CACNA1S: variants seen among roughly 807,000 people sequenced by gnomAD.
The protein encoded by CACNA1S is voltage-dependent L-type calcium channel subunit alpha-1S.
Under a neutral mutation model 207.4 loss-of-function variants are expected in CACNA1S, and 126 were observed. That is an observed-to-expected ratio of 0.61 (90% CI 0.53 to 0.70). CACNA1S has a LOEUF of 0.70. Among genes scored for constraint, CACNA1S ranks in the 30% least tolerant of loss-of-function variants. The probability of loss-of-function intolerance (pLI) is 0.00; values close to 1 mark genes in which losing one functional copy is unlikely to be tolerated. For missense variants in CACNA1S, 2,349 were observed against 2,422.8 expected (o/e 0.97, Z 0.64); for synonymous variants, 960 against 932.7 (o/e 1.03, Z -0.53).
chr1:201,098,967 A>C (rs1340554242), intron 2 of CACNA1S, among the ~76,000 whole-genome samples: 1 of 152,106 alleles, frequency 6.6e-6, no homozygotes, highest in Admixed American at 6.5e-5. Flanking sequence ...CAGGCCTTGC[A>C]CCTGCTCCCA....
At chr1:201,054,230 C>T (rs1360331325) in intron 29 of CACNA1S, among the ~76,000 whole-genome samples, 3 of 152,226 alleles carry the variant, frequency 2.0e-5, no homozygotes, top group African/African-American at 7.2e-5. Flanking sequence ...TCACAGTTCT[C>T]TCTGGACTGT....
At chr1:201,043,194 G>A (rs1417618682) in intron 40 of CACNA1S, 87 bp downstream of exon 40, 2 of 1,566,216 alleles carry the variant, frequency 1.3e-6, no homozygotes, top group East Asian at 2.2e-5. Context: ...TACAAATTTG[G>A]GGTACCCTCT....
intron 5 of CACNA1S, among the ~76,000 whole-genome samples, chr1:201,091,216 G>GT (rs1662216185): frequency 6.6e-6 from 1 of 152,148 alleles, no homozygotes; most frequent in Admixed American, 6.5e-5. Flanking sequence ...TGGCTCTTGG[G>GT]TGTTTTTTCT....
intron 22 of CACNA1S, among the ~76,000 whole-genome samples, chr1:201,063,726 C>G (rs1358258550): frequency 4.6e-5 from 7 of 152,176 alleles, no homozygotes; most frequent in Admixed American, 4.6e-4. Context: ...CCCTTGCCCC[C>G]CGCTGCCCCT....
chr1:201,073,312 G>C (rs1202521541), intron 15 of CACNA1S, among the ~76,000 whole-genome samples: 1 of 149,774 alleles, frequency 6.7e-6, no homozygotes, highest in Non-Finnish European at 1.5e-5. Context: ...GTGGGAAGCT[G>C]CTACGCTGGA....
chr1:201,068,662 G>A (rs1027787994), intron 19 of CACNA1S, among the ~76,000 whole-genome samples: 6 of 151,968 alleles, frequency 3.9e-5, no homozygotes, highest in African/African-American at 1.4e-4. Flanking sequence ...CACAAGGTCA[G>A]CATATCAAGA....
At position 201,110,185 on chromosome 1, in the gene CACNA1S, G is replaced by T; in HGVS notation, c.237C>A (p.Asn79Lys). The change falls in exon 2 of 44, where the codon AAC (asparagine) becomes AAA (lysine). Residue 79 changes from asparagine to lysine, a missense_variant. By Grantham distance (94) the Asn-to-Lys change is moderately conservative. Transcript: ENST00000362061. ...TTACCAGGCCGAGGTTCAGAGAGTTGTTGTCATCTTCCGGCATGGGCAGGT... is the reference window on the plus strand; with the variant it reads ...TTACCAGGCCGAGGTTCAGAGAGTTTTTGTCATCTTCCGGCATGGGCAGGT... ...AVYLPMPEDDNNSLNLGLEKL... is the reference protein window; with the variant it reads ...AVYLPMPEDDKNSLNLGLEKL... 2 of 1,614,172 alleles carry T rather than the reference G, an allele frequency of 1.2e-6. No individual in the cohort carries two copies. The highest frequency in any genetic ancestry group is 8.5e-7 in the Non-Finnish European group (1 of 1,179,990).
At chr1:201,097,243 C>G (rs530221264) in intron 2 of CACNA1S, among the ~76,000 whole-genome samples, 14 of 152,294 alleles carry the variant, frequency 9.2e-5, no homozygotes, top group Middle Eastern at 3.4e-3. Flanking sequence ...TCCATACAGA[C>G]CCGGCTACTG....
chr1:201,077,817 G>T, intron 11 of CACNA1S, 62 bp downstream of exon 11: 1 of 1,169,968 alleles, frequency 8.5e-7, no homozygotes, highest in South Asian at 1.3e-5. Context: ...GATGGGTGTA[G>T]ACCAGACCAG....
At chr1:201,051,471 T>C (rs1005323767) in intron 32 of CACNA1S, among the ~76,000 whole-genome samples, 4 of 152,154 alleles carry the variant, frequency 2.6e-5, no homozygotes, top group Non-Finnish European at 1.5e-5. Context: ...TCAAAGAGAT[T>C]AACTGACTCC....
chr1:201,099,617 C>T (rs181626574), intron 2 of CACNA1S, among the ~76,000 whole-genome samples: 109 of 152,308 alleles, frequency 7.2e-4, no homozygotes, highest in African/African-American at 2.2e-3. Flanking sequence ...GAGGAGGAAG[C>T]CCAGGGTGCT....
intron 19 of CACNA1S, 100 bp downstream of exon 19, chr1:201,069,037 C>T (rs574395115): frequency 6.8e-5 from 72 of 1,064,742 alleles, no homozygotes; most frequent in South Asian, 5.8e-4. Flanking sequence ...CAGTCTCCAC[C>T]TCTTTTCTGC....
intron 22 of CACNA1S, among the ~76,000 whole-genome samples, chr1:201,063,102 T>C (rs1029229960): frequency 4.0e-5 from 6 of 150,764 alleles, no homozygotes; most frequent in Non-Finnish European, 8.8e-5. Context: ...TGTGCTCCTC[T>C]GCACTGACTT....
At chr1:201,090,500 C>G (rs895670849) in intron 5 of CACNA1S, among the ~76,000 whole-genome samples, 2 of 152,098 alleles carry the variant, frequency 1.3e-5, no homozygotes, top group Non-Finnish European at 2.9e-5. Context: ...TTGTTGTCAG[C>G]GGTCATGAGG....
chr1:201,040,918 TG>T (rs2102539464), intron 41 of CACNA1S, among the ~76,000 whole-genome samples: 1 of 152,304 alleles, frequency 6.6e-6, no homozygotes, highest in Admixed American at 6.5e-5. Context: ...TTACTGGCCC[TG>T]GTCGCTGTTC....
At chr1:201,040,458 A>G in intron 42 of CACNA1S, 84 bp from the exon 43 acceptor site, 1 of 1,554,134 alleles carries the variant, frequency 6.4e-7, no homozygotes, top group South Asian at 1.1e-5. Context: ...TCTGAGGGCA[A>G]CTCAACCAAG....
At position 201,077,915 on chromosome 1, in the gene CACNA1S, C is replaced by A. The variant is rs80338777; in HGVS notation, c.1583G>T (p.Arg528Leu). ...GAAGATCCTCAGGAGGCGGATGCAGCGGAGCACGGAGATGCCCAGGGGTGT... is the reference window on the plus strand; with the variant it reads ...GAAGATCCTCAGGAGGCGGATGCAGAGGAGCACGGAGATGCCCAGGGGTGT... ...AMTPLGISVLRCIRLLRIFKI... is the reference protein window; with the variant it reads ...AMTPLGISVLLCIRLLRIFKI... Residue 528 changes from arginine to leucine, a missense_variant, in exon 11 of 44, where the codon CGC becomes CTC. By Grantham distance (102) the Arg-to-Leu change is moderately radical. Transcript: ENST00000362061. 1.8e-5 allele frequency: 29 copies of A among 1,614,016 alleles called. No homozygotes were observed. Among genetic ancestry groups the A allele is most frequent in the Middle Eastern group, 1.7e-4 (1 of 6,060 alleles).
rs1300382655 is a variant in CACNA1S at position 201,041,916 on chromosome 1, C to T, written c.5049-327G>A. ...TCTCCATCTTGGCCACACATAGGAT[C>T]ACCTGAGGAGCTCAAAGGTGAGTGG... On this transcript the variant is annotated intron_variant, in intron 40 of 43. Coordinates refer to ENST00000362061, the MANE Select transcript of CACNA1S (RefSeq NM_000069.3). The T allele has an allele frequency of 4.1e-5, 17 of 414,372 alleles. No individual in the cohort carries two copies. In the Admixed American group the frequency reaches 6.0e-4, roughly 15 times the overall value. 25.7% of individuals were successfully genotyped at this position (414,372 alleles called of 1,614,324 possible).
chr1:201,070,387 C>T lies in CACNA1S; in HGVS notation c.2245G>A (p.Glu749Lys), dbSNP rs1313818230. ...CGGGGGCTCAGCGGGATCTCAGGCTCATCTTCCTCGTCATCCCCTGTGGGG... is the reference window on the plus strand; with the variant it reads ...CGGGGGCTCAGCGGGATCTCAGGCTTATCTTCCTCGTCATCCCCTGTGGGG... ...ADFPGDDEEDEPEIPLSPRPR... is the reference protein window; with the variant it reads ...ADFPGDDEEDKPEIPLSPRPR... Residue 749 changes from glutamate to lysine, a missense_variant, in exon 17 of 44, where the codon GAG becomes AAG. Physicochemically the swap from Glu to Lys is moderately conservative, Grantham distance 56. Transcript: ENST00000362061. 4.3e-6 allele frequency: 7 copies of T among 1,613,898 alleles called. No individual in the cohort carries two copies. The highest frequency in any genetic ancestry group is 3.3e-5 in the Admixed American group (2 of 60,008).
Sources: gnomAD v4.1 joint callset for allele counts (sites outside exome capture counted in the v4.1 genomes callset) on GRCh38, gnomAD v4.1.1 for gene constraint, MANE v1.5 for transcripts, NCBI Gene and HGNC (gene_info 2026-07-23, HGNC 2026-07-21) for gene names.